The following QRICH2 variants were observed in gnomAD, a reference collection of about 807,000 sequenced individuals.
The protein encoded by QRICH2 is glutamine-rich protein 2.
QRICH2 carries 119 observed loss-of-function variants against 168.3 expected under a neutral mutation model. The observed-to-expected ratio is 0.71, with a 90% CI of 0.61 to 0.82. The LOEUF (loss-of-function observed/expected upper bound fraction) is 0.82. QRICH2 is among the 40% of genes least tolerant of loss of function. QRICH2 has a pLI of 0.00. For synonymous variants in QRICH2, 894 were observed against 951.2 expected (o/e 0.94, Z 1.11); for missense variants, 2,241 against 2,491.6 (o/e 0.90, Z 2.14).
rs945054772 is a variant in QRICH2, at chr17:76,281,761, G to A, written c.4263+103C>T. 6 of 1,449,060 alleles carry A rather than the reference G, an allele frequency of 4.1e-6. No individual in the cohort carries two copies. In the Admixed American group the frequency reaches 1.1e-4, roughly 26 times the overall value. The allele number at this position is 1,449,060 out of a possible 1,614,324, so 89.8% of individuals were successfully genotyped here. Reference sequence around the variant, plus strand: ...GGCTCCGCCACGGAGAGCTGACCTTGAGGCCCAAACACCCGCCCCACTTCT... The same window carrying A: ...GGCTCCGCCACGGAGAGCTGACCTTAAGGCCCAAACACCCGCCCCACTTCT... On this transcript the variant is annotated intron_variant, in intron 8 of 18. Transcript: ENST00000680821. The surrounding 1 kb of genome is among the most constrained non-coding windows in gnomAD (Gnocchi z 4.4).
chr17:76,306,885 T>G (rs868079242), intron 1 of QRICH2, among the ~76,000 whole-genome samples: 29 of 148,060 alleles, frequency 2.0e-4, no homozygotes, highest in African/African-American at 7.1e-4. Context: ...AGACTCCTTC[T>G]CAAAAAAAAA....
chr17:76,274,188 G>C lies in QRICH2; in HGVS notation c.5555C>G (p.Pro1852Arg). 6.3e-7 allele frequency: 1 copy of C among 1,591,440 alleles called. No individual in the cohort carries two copies. The change falls in exon 19 of 19, where the codon CCC becomes CGC. Residue 1852 changes from proline to arginine, a missense_variant. Coordinates refer to ENST00000680821, the MANE Select transcript of QRICH2 (RefSeq NM_001388453.1). ...RLSQPNTAHP[P>R]SSAAVANRGL... ...CCTGTTTGCCACCGCGGCGGAGCTG[G>C]GCGGGTGGGCTGTGTTCGGCTGGGA...
upstream of QRICH2, chr17:76,308,397 G>T (rs2071023895): frequency 3.0e-6 from 3 of 985,344 alleles, no homozygotes; most frequent in Non-Finnish European, 3.6e-6. Context: ...CTTGGCAACG[G>T]GCTGAGGAGG....
At chr17:76,296,665 C>T (rs187801651) in intron 3 of QRICH2, among the ~76,000 whole-genome samples, 39 of 151,476 alleles carry the variant, frequency 2.6e-4, no homozygotes, top group African/African-American at 8.2e-4. Context: ...GTAGTCGCAG[C>T]TACTTGGGAG....
chr17:76,283,432 G>A (rs1333783765), intron 7 of QRICH2, among the ~76,000 whole-genome samples: 2 of 152,230 alleles, frequency 1.3e-5, no homozygotes, highest in African/African-American at 2.4e-5. Flanking sequence ...TGTCTCCTGA[G>A]TGTGGTCCTG....
At chr17:76,290,547 A>AT (rs559952733) in intron 4 of QRICH2, among the ~76,000 whole-genome samples, 1,683 of 149,028 alleles carry the variant, frequency 0.011, 16 homozygotes, top group Non-Finnish European at 0.016. Context: ...CGCCTGGCTA[A>AT]TTTTTTTTTT....
In QRICH2 at chr17:76,282,038, G is replaced by C. The variant is rs766772817; in HGVS notation, c.4089C>G (p.His1363Gln). The part of the protein sequence containing the change: ...STLLSMSMAP[H>Q]KAHTLAPGQI... Reference sequence around the variant, plus strand: ...GGCCAGGAGCCAAGGTGTGGGCCTTGTGCGGGGCCATGCTCATGGACAGGA... The same window carrying C: ...GGCCAGGAGCCAAGGTGTGGGCCTTCTGCGGGGCCATGCTCATGGACAGGA... The change falls in exon 8 of 19, where the codon CAC (histidine) becomes CAG (glutamine). Residue 1363 changes from histidine to glutamine, a missense_variant. His to Gln is a conservative substitution (Grantham distance 24, BLOSUM62 0). Coordinates refer to ENST00000680821, the MANE Select transcript of QRICH2 (RefSeq NM_001388453.1). The C allele has an allele frequency of 6.2e-7, 1 of 1,613,702 alleles. No individual in the cohort carries two copies. The highest frequency in any genetic ancestry group is 8.5e-7 in the Non-Finnish European group (1 of 1,179,802).
intron 4 of QRICH2, among the ~76,000 whole-genome samples, chr17:76,290,558 G>GT (rs1005495984): frequency 2.7e-4 from 41 of 150,310 alleles, no homozygotes; most frequent in Middle Eastern, 3.4e-3. Context: ...TTTTTTTTTT[G>GT]TTTTTTTTGG....
At chr17:76,282,989 C>T (rs965039026) in intron 7 of QRICH2, among the ~76,000 whole-genome samples, 2 of 152,110 alleles carry the variant, frequency 1.3e-5, no homozygotes, top group African/African-American at 4.8e-5. Flanking sequence ...ACACAGGTAC[C>T]CACAAAAGCA....
At chr17:76,304,981 CT>C (rs1200789630) in intron 1 of QRICH2, 40 bp from the exon 2 acceptor site, 7 of 1,416,446 alleles carry the variant, frequency 4.9e-6, no homozygotes, top group Admixed American at 1.7e-5. Context: ...ACAGTGGCCC[CT>C]ACACACGCAC....
At chr17:76,284,266 A>G (rs2070842371) in intron 7 of QRICH2, among the ~76,000 whole-genome samples, 1 of 140,196 alleles carries the variant, frequency 7.1e-6, no homozygotes, top group African/African-American at 3.2e-5. Flanking sequence ...TTCTGTGAGC[A>G]CTCAGAGGGC....
chr17:76,291,924 C>T lies in QRICH2; in HGVS notation c.2803G>A (p.Gly935Ser). The T allele has an allele frequency of 6.2e-7, 1 of 1,614,192 alleles. No homozygotes were observed. Among genetic ancestry groups the T allele is most frequent in the Non-Finnish European group, 8.5e-7 (1 of 1,180,038 alleles). ...TGTACCAAACCAAGAGGATAGGCAC[C>T]AGGTTGTACCAGGCCATGTGGATCT... Reference protein sequence around the residue: ...QADPHGLVQPGAYPLGLVQPG... With the variant: ...QADPHGLVQPSAYPLGLVQPG... Residue 935 changes from glycine (G) to serine (S), a missense_variant, in exon 4 of 19, where the codon GGT (glycine) becomes AGT (serine). Physicochemically the swap from Gly to Ser is moderately conservative, Grantham distance 56. Transcript: ENST00000680821.
chr17:76,288,412 A>AAAAAAG (rs1241926180), intron 5 of QRICH2, among the ~76,000 whole-genome samples: 1 of 140,570 alleles, frequency 7.1e-6, no homozygotes, highest in African/African-American at 2.9e-5. Context: ...AAAAAAAAAA[A>AAAAAAG]GGAATGACTG....
At position 76,291,211 on chromosome 17, in the gene QRICH2, C is replaced by G. The variant is rs368746715; in HGVS notation, c.3516G>C (p.Ser1172=). The G allele has an allele frequency of 2.5e-6, 4 of 1,614,178 alleles. No individual in the cohort carries two copies. The highest frequency in any genetic ancestry group is 3.4e-6 in the Non-Finnish European group (4 of 1,180,040). Residue 1172 remains serine (S), a synonymous_variant, in exon 4 of 19, where the codon TCG becomes TCC. Transcript: ENST00000680821. ...TGCGTCGCTCACTCAGGACTTCACTCGAGACTTCGCTCCCTTCTGATAAGA... is the reference window on the plus strand; with the variant it reads ...TGCGTCGCTCACTCAGGACTTCACTGGAGACTTCGCTCCCTTCTGATAAGA... ...DRVLSEGSEV[S]SEVLSERRNS... is the part of the protein sequence containing the mutation.
At chr17:76,298,962 A>G (rs146989538) in intron 3 of QRICH2, among the ~76,000 whole-genome samples, 2,629 of 152,066 alleles carry the variant, frequency 0.017, 40 homozygotes, top group Non-Finnish European at 0.029. Flanking sequence ...AACTTTCTTT[A>G]CAGTCTGTCC....
chr17:76,281,730 C>T lies in QRICH2; in HGVS notation c.4263+134G>A. ...GACCAGGGACTCTTGTGGGATCTGG[C>T]TAAAGGGCTCCGCCACGGAGAGCTG... On this transcript the variant is annotated intron_variant, in intron 8 of 18. Transcript: ENST00000680821. The surrounding 1 kb of genome is among the most constrained non-coding windows in gnomAD (Gnocchi z 4.4). The T allele has an allele frequency of 1.8e-6, 2 of 1,120,760 alleles. No individual in the cohort carries two copies. The highest frequency in any genetic ancestry group is 2.6e-6 in the Non-Finnish European group (2 of 776,994). The allele number at this position is 1,120,760 out of a possible 1,614,324, so 69.4% of individuals were successfully genotyped here.
intron 4 of QRICH2, 51 bp from the exon 5 acceptor site, chr17:76,290,128 T>TC: frequency 7.4e-7 from 1 of 1,351,546 alleles, no homozygotes; most frequent in African/African-American, 1.5e-5. Context: ...TCTAGTGGGC[T>TC]CCCAATCTCC....
chr17:76,290,961 A>T, intron 4 of QRICH2, 54 bp downstream of exon 4: 1 of 1,576,800 alleles, frequency 6.3e-7, no homozygotes, highest in Non-Finnish European at 8.6e-7. Context: ...AAAAGGATGA[A>T]ACCAACTGAA....
chr17:76,288,692 G>A (rs935063406), intron 5 of QRICH2, among the ~76,000 whole-genome samples: 2 of 151,992 alleles, frequency 1.3e-5, no homozygotes, highest in Non-Finnish European at 2.9e-5. Flanking sequence ...GCAACAGAGC[G>A]AGACTCCGTC....
Sources: allele counts gnomAD v4.1 joint callset (sites outside exome capture counted in the v4.1 genomes callset), GRCh38; gene constraint gnomAD v4.1.1; non-coding constraint Gnocchi (gnomAD v3.1); transcripts MANE v1.5; gene names NCBI Gene and HGNC (gene_info 2026-07-23, HGNC 2026-07-21).